Variants in EIF4EBP2 observed in about 807,000 individuals in gnomAD.
The protein encoded by EIF4EBP2 is eukaryotic translation initiation factor 4E-binding protein 2.
A neutral mutation model predicts 10.3 loss-of-function variants in EIF4EBP2; 5 were observed. The observed-to-expected ratio is 0.48, with a 90% CI of 0.25 to 1.02. The LOEUF (loss-of-function observed/expected upper bound fraction) is 1.02. Among genes scored for constraint, EIF4EBP2 ranks in the 50% least tolerant of loss-of-function variants. The probability of loss-of-function intolerance (pLI) is 0.15; values close to 1 mark genes in which losing one functional copy is unlikely to be tolerated. For missense variants in EIF4EBP2, 188 were observed against 162.2 expected, an observed-to-expected ratio of 1.16 and a Z score of -0.86; for synonymous variants, 67 against 61.1, an observed-to-expected ratio of 1.10 and a Z score of -0.45.
Position 70,426,768 on chromosome 10 carries a change from T to C in EIF4EBP2, c.*5021T>C, listed in dbSNP as rs3088383. 0.48 allele frequency: 72,423 copies of C among 152,038 alleles called. 17,575 individuals carry two copies. Among genetic ancestry groups the C allele is most frequent in the East Asian group, 0.66 (3,415 of 5,158 alleles). 9.4% of individuals were successfully genotyped at this position (152,038 alleles called of 1,614,324 possible). A position where few individuals can be genotyped will look rare whatever the true frequency, so the allele number is the denominator to read the frequency against. On this transcript the variant is annotated 3_prime_UTR_variant, in exon 3 of 3. Transcript: ENST00000373218. ...TTTAAATGAATTTTGTTTTTCTTTCTTATTTTGAGGTGGATTGGTCTTCTC... is the reference window on the plus strand; with the variant it reads ...TTTAAATGAATTTTGTTTTTCTTTCCTATTTTGAGGTGGATTGGTCTTCTC...
chr10:70,405,745 CCTT>C (rs1375940114), intron 1 of EIF4EBP2, among the ~76,000 whole-genome samples: 6 of 152,084 alleles, frequency 3.9e-5, no homozygotes, highest in East Asian at 1.9e-4. Flanking sequence ...AGTAAGGAGA[CCTT>C]CTTGCCAACA....
chr10:70,424,448 T>C lies in EIF4EBP2; in HGVS notation c.*2701T>C, dbSNP rs1845187654. ...AAAAATAATTTCACAAGGCATGAGA[T>C]AAACTTTCAATAGATGATACCTTTG... On this transcript the variant is annotated 3_prime_UTR_variant, in exon 3 of 3. Coordinates refer to ENST00000373218, the MANE Select transcript of EIF4EBP2 (RefSeq NM_004096.5). 1 of 152,256 alleles carries C rather than the reference T, an allele frequency of 6.6e-6. No homozygotes were observed. Among genetic ancestry groups the C allele is most frequent in the Non-Finnish European group, 1.5e-5 (1 of 68,048 alleles). The allele number at this position is 152,256 out of a possible 1,614,324, so 9.4% of individuals were successfully genotyped here.
At chr10:70,414,199 T>G (rs1845070446) in intron 1 of EIF4EBP2, among the ~76,000 whole-genome samples, 1 of 152,214 alleles carries the variant, frequency 6.6e-6, no homozygotes, top group Non-Finnish European at 1.5e-5. Context: ...TGGTTGAATC[T>G]TAATTTTTTT....
Position 70,419,994 on chromosome 10 carries a change from C to T in EIF4EBP2, c.226C>T (p.Pro76Ser), listed in dbSNP as rs1431832708. The change falls in exon 2 of 3, where the codon CCC (proline) becomes TCC (serine). Residue 76 changes from proline to serine, a missense_variant. Transcript: ENST00000373218. ...PMAQTPPCHL[P>S]NIPGVTSPGT... Reference sequence around the variant, plus strand: ...GGCTCAGACCCCACCCTGCCACCTGCCCAATATCCCAGGAGTCACTAGCCC... The same window carrying T: ...GGCTCAGACCCCACCCTGCCACCTGTCCAATATCCCAGGAGTCACTAGCCC... 1 of 1,613,362 alleles carries T rather than the reference C, an allele frequency of 6.2e-7. No homozygotes were observed. Among genetic ancestry groups the T allele is most frequent in the Non-Finnish European group, 8.5e-7 (1 of 1,179,752 alleles).
intron 1 of EIF4EBP2, among the ~76,000 whole-genome samples, chr10:70,411,200 C>T (rs535346179): frequency 2.0e-5 from 3 of 152,294 alleles, no homozygotes; most frequent in Admixed American, 2.0e-4. Flanking sequence ...ACTGAAACCT[C>T]ATACCAATTA....
At chr10:70,415,370 C>A (rs1845083539) in intron 1 of EIF4EBP2, among the ~76,000 whole-genome samples, 1 of 152,156 alleles carries the variant, frequency 6.6e-6, no homozygotes, top group African/African-American at 2.4e-5. Flanking sequence ...TGGTAGTACT[C>A]CACAAATTGA....
At chr10:70,421,034 A>AT (rs1198115234) in intron 2 of EIF4EBP2, among the ~76,000 whole-genome samples, 4 of 151,954 alleles carry the variant, frequency 2.6e-5, no homozygotes, top group Non-Finnish European at 5.9e-5. Flanking sequence ...TGACCTCGTG[A>AT]TCCGCCCGCC....
chr10:70,414,480 T>C (rs1178367224), intron 1 of EIF4EBP2, among the ~76,000 whole-genome samples: 2 of 152,196 alleles, frequency 1.3e-5, no homozygotes, highest in Non-Finnish European at 2.9e-5. Context: ...GTGTTGGCAT[T>C]CAAAATCAAA....
chr10:70,406,770 TCCCCCGA>T, intron 1 of EIF4EBP2, among the ~76,000 whole-genome samples: 1 of 152,336 alleles, frequency 6.6e-6, no homozygotes, highest in Non-Finnish European at 1.5e-5. Context: ...TCACTTAACT[TCCCCCGA>T]CATTGTTTCT....
At chr10:70,413,200 T>C (rs1845061923) in intron 1 of EIF4EBP2, among the ~76,000 whole-genome samples, 1 of 152,188 alleles carries the variant, frequency 6.6e-6, no homozygotes, top group South Asian at 2.1e-4. Context: ...GCTCCTCTAG[T>C]AGTTATCTTT....
rs984234828 is a variant in EIF4EBP2, at chr10:70,428,351, A to G, written c.*6604A>G. 1 of 151,796 alleles carries G rather than the reference A, an allele frequency of 6.6e-6. No homozygotes were observed. The highest frequency in any genetic ancestry group is 2.4e-5 in the African/African-American group (1 of 41,304). The allele number at this position is 151,796 out of a possible 1,614,324, so 9.4% of individuals were successfully genotyped here. Reference sequence around the variant, plus strand: ...CAGTTCCATCCATTCTGAATGGAAAAGCGGAGACTGCCAGCACTTTCCTTG... The same window carrying G: ...CAGTTCCATCCATTCTGAATGGAAAGGCGGAGACTGCCAGCACTTTCCTTG... On this transcript the variant is annotated 3_prime_UTR_variant, in exon 3 of 3. Coordinates refer to ENST00000373218, the MANE Select transcript of EIF4EBP2 (RefSeq NM_004096.5).
rs930546292 is a variant in EIF4EBP2, at chr10:70,404,446, C to T, written c.45C>T (p.Arg15=). 2.5e-6 allele frequency: 4 copies of T among 1,595,674 alleles called. No individual in the cohort carries two copies. The Admixed American group carries it at 6.8e-5, about 27-fold the overall frequency. The change falls in exon 1 of 3, where the codon CGC becomes CGT. Residue 15 remains arginine, a synonymous_variant. Transcript: ENST00000373218. ...AGSGHQPSQS[R]AIPTRTVAIS... is the part of the protein sequence containing the mutation. ...GCGGCCACCAGCCCAGCCAGAGCCG[C>T]GCCATCCCCACCCGCACCGTGGCCA...
intron 1 of EIF4EBP2, among the ~76,000 whole-genome samples, chr10:70,407,482 A>G (rs1215968715): frequency 2.0e-5 from 3 of 152,102 alleles, no homozygotes; most frequent in Admixed American, 1.3e-4. Flanking sequence ...TTCTTAGTAC[A>G]GAACAAAATG....
chr10:70,407,415 G>A (rs1372033926), intron 1 of EIF4EBP2, among the ~76,000 whole-genome samples: 3 of 151,964 alleles, frequency 2.0e-5, no homozygotes, highest in Admixed American at 6.5e-5. Context: ...ATGTTTCAGA[G>A]AGCACAGGGT....
intron 1 of EIF4EBP2, among the ~76,000 whole-genome samples, chr10:70,410,251 G>T (rs1367151365): frequency 6.6e-6 from 1 of 152,120 alleles, no homozygotes; most frequent in East Asian, 1.9e-4. Flanking sequence ...TGTATTTTTA[G>T]TAGAGATGGG....
At chr10:70,410,179 C>T (rs1378172291) in intron 1 of EIF4EBP2, among the ~76,000 whole-genome samples, 1 of 152,116 alleles carries the variant, frequency 6.6e-6, no homozygotes, top group Non-Finnish European at 1.5e-5. Context: ...AAGTGATTCT[C>T]CTGCCTCAGC....
Position 70,423,700 on chromosome 10 carries a change from T to G in EIF4EBP2, c.*1953T>G, listed in dbSNP as rs1371604063. 6 of 152,632 alleles carry G rather than the reference T, an allele frequency of 3.9e-5. No individual in the cohort carries two copies. Among genetic ancestry groups the G allele is most frequent in the Non-Finnish European group, 8.8e-5 (6 of 68,046 alleles). 9.5% of individuals were successfully genotyped at this position (152,632 alleles called of 1,614,324 possible). A position where few individuals can be genotyped will look rare whatever the true frequency, so the allele number is the denominator to read the frequency against. ...ATATTTTAGAAAGAGAGGAAGGATGTCTGCAGAACTTTGTTCTGTTTTCTG... is the reference window on the plus strand; with the variant it reads ...ATATTTTAGAAAGAGAGGAAGGATGGCTGCAGAACTTTGTTCTGTTTTCTG... On this transcript the variant is annotated 3_prime_UTR_variant, in exon 3 of 3. Coordinates refer to ENST00000373218, the MANE Select transcript of EIF4EBP2 (RefSeq NM_004096.5).
At position 70,426,034 on chromosome 10, in the gene EIF4EBP2, A is replaced by C. The variant is rs1013583248; in HGVS notation, c.*4287A>C. 2.6e-5 allele frequency: 4 copies of C among 152,146 alleles called. No individual in the cohort carries two copies. Among genetic ancestry groups the C allele is most frequent in the African/African-American group, 9.7e-5 (4 of 41,416 alleles). 9.4% of individuals were successfully genotyped at this position (152,146 alleles called of 1,614,324 possible). On this transcript the variant is annotated 3_prime_UTR_variant, in exon 3 of 3. Transcript: ENST00000373218. ...ATGTCTATGCTTGATTGCTCCTCTA[A>C]ATCCAGTGCATAGGTTAACCCTGCA...
chr10:70,419,896 T>C lies in EIF4EBP2; in HGVS notation c.146-18T>C, dbSNP rs761884996. ...ACCCCTTAAATTGTTTCAAACTCTT[T>C]TTAACCCTGTTTTCCAGGAACTCGA... On this transcript the variant is annotated intron_variant, in intron 1 of 2. Coordinates refer to ENST00000373218, the MANE Select transcript of EIF4EBP2 (RefSeq NM_004096.5). 1.3e-6 allele frequency: 2 copies of C among 1,551,716 alleles called. No homozygotes were observed. Among genetic ancestry groups the C allele is most frequent in the Admixed American group, 2.1e-5 (1 of 47,886 alleles).
Sources: gnomAD v4.1 joint callset for allele counts (sites outside exome capture counted in the v4.1 genomes callset) on GRCh38, gnomAD v4.1.1 for gene constraint, MANE v1.5 for transcripts, NCBI Gene and HGNC (gene_info 2026-07-23, HGNC 2026-07-21) for gene names.